Variants in MBTPS1 observed in about 807,000 individuals in gnomAD.
The protein encoded by MBTPS1 is membrane bound transcription factor peptidase, site 1, also known as membrane-bound transcription factor site-1 protease.
In MBTPS1, 94 loss-of-function variants were observed where a neutral mutation model predicts 127.8. The ratio of observed to expected loss-of-function variants is 0.74; its 90% CI spans 0.62 to 0.87. The LOEUF is 0.87. MBTPS1 is among the 40% of genes least tolerant of loss of function. The probability of loss-of-function intolerance (pLI) is 0.00; values close to 1 mark genes in which losing one functional copy is unlikely to be tolerated. For synonymous variants in MBTPS1, 632 were observed against 509.4 expected (o/e 1.24, Z -3.24); for missense variants, 1,636 against 1,353.2 (o/e 1.21, Z -3.28).
intron 22 of MBTPS1, among the ~76,000 whole-genome samples, chr16:84,055,396 TCTAGA>T (rs2085507428): frequency 6.6e-6 from 1 of 152,184 alleles, no homozygotes; most frequent in South Asian, 2.1e-4. Flanking sequence ...TACAGGGGAC[TCTAGA>T]GCAAAAGAAC....
intron 1 of MBTPS1, among the ~76,000 whole-genome samples, chr16:84,108,223 G>C (rs963546883): frequency 6.6e-6 from 1 of 152,016 alleles, no homozygotes; most frequent in Non-Finnish European, 1.5e-5. Flanking sequence ...CAGGCAGACA[G>C]AGCATGCACA....
chr16:84,115,374 G>A (rs913891567), intron 1 of MBTPS1, among the ~76,000 whole-genome samples: 1 of 152,182 alleles, frequency 6.6e-6, no homozygotes, highest in Middle Eastern at 3.2e-3. Flanking sequence ...CCTGGGGAGT[G>A]CAGTCGTTTG....
At chr16:84,112,552 C>G (rs2086411929) in intron 1 of MBTPS1, among the ~76,000 whole-genome samples, 1 of 151,108 alleles carries the variant, frequency 6.6e-6, no homozygotes, top group African/African-American at 2.4e-5. Context: ...GTCCCAGATA[C>G]TCAGGAGGCT....
In MBTPS1 at chr16:84,067,853, T is replaced by C. The variant is rs116331055; in HGVS notation, c.2072-30A>G. The C allele has an allele frequency of 1.9e-4, 301 of 1,591,834 alleles. 2 individuals carry two copies. The African/African-American group carries it at 3.2e-3, about 17-fold the overall frequency. On this transcript the variant is annotated intron_variant, in intron 15 of 22. Transcript: ENST00000343411. ...TGAACAAAGAACCAAAGCTGGGAAC[T>C]GTCACTTCTGAATGACAGGACACCA... is the stretch of plus-strand genomic sequence containing the variant.
At chr16:84,096,065 T>A (rs1025170831) in intron 3 of MBTPS1, among the ~76,000 whole-genome samples, 12 of 152,208 alleles carry the variant, frequency 7.9e-5, no homozygotes, top group African/African-American at 2.9e-4. Flanking sequence ...ACTGATTAAA[T>A]TAAATAATAA....
chr16:84,092,367 T>G (rs907782414), intron 6 of MBTPS1, among the ~76,000 whole-genome samples: 5 of 152,244 alleles, frequency 3.3e-5, no homozygotes, highest in African/African-American at 4.8e-5. Context: ...TGGATCACCT[T>G]TAGCTGTTGC....
chr16:84,100,933 C>T (rs745711067), intron 2 of MBTPS1, among the ~76,000 whole-genome samples: 18 of 147,816 alleles, frequency 1.2e-4, no homozygotes, highest in Non-Finnish European at 1.8e-4. Context: ...GGAGGGTGAT[C>T]ACTTGAGGTC....
intron 3 of MBTPS1, among the ~76,000 whole-genome samples, chr16:84,098,283 C>T (rs188062017): frequency 3.3e-4 from 50 of 152,272 alleles, no homozygotes; most frequent in African/African-American, 1.1e-3. Context: ...AAAAACAAAA[C>T]GAAACCCCAG....
chr16:84,093,273 G>T lies in MBTPS1; in HGVS notation c.761C>A (p.Ala254Glu). The change falls in exon 6 of 23, where the codon GCA becomes GAA. Residue 254 changes from alanine (A) to glutamate (E), a missense_variant. Transcript: ENST00000343411. Reference sequence around the variant, plus strand: ...CTCCCTCATGCTGGCTATCACACCTGCCACGAATGTGCCATGGCCCAACCC... The same window carrying T: ...CTCCCTCATGCTGGCTATCACACCTTCCACGAATGTGCCATGGCCCAACCC... ...DDGLGHGTFV[A>E]GVIASMRECQ... 2 of 1,613,510 alleles carry T rather than the reference G, an allele frequency of 1.2e-6. No homozygotes were observed. The highest frequency in any genetic ancestry group is 1.7e-6 in the Non-Finnish European group (2 of 1,179,444).
At position 84,070,658 on chromosome 16, in the gene MBTPS1, T is replaced by C. The variant is rs373905268; in HGVS notation, c.1712A>G (p.Lys571Arg). 1.2e-6 allele frequency: 2 copies of C among 1,613,954 alleles called. No homozygotes were observed. Among genetic ancestry groups the C allele is most frequent in the East Asian group, 2.2e-5 (1 of 44,880 alleles). The stretch of plus-strand genomic sequence containing the variant: ...AGCAATGCCTTCCCAGGAAGCCGCT[T>C]TCTTGGTCACAGAAATGGAGATGGC... ...YLAISISVTK[K>R]AASWEGIAQG... The change falls in exon 13 of 23, where the codon AAA (lysine) becomes AGA (arginine). Residue 571 changes from lysine (K) to arginine (R), a missense_variant. Physicochemically the swap from Lys to Arg is conservative, Grantham distance 26. Transcript: ENST00000343411.
At chr16:84,084,433 C>T (rs1184488968) in intron 10 of MBTPS1, among the ~76,000 whole-genome samples, 1 of 152,214 alleles carries the variant, frequency 6.6e-6, no homozygotes, top group Admixed American at 6.5e-5. Context: ...TTCACAAAAA[C>T]AACAAATGGG....
chr16:84,063,794 G>A (rs1256170363), intron 18 of MBTPS1, among the ~76,000 whole-genome samples: 1 of 151,808 alleles, frequency 6.6e-6, no homozygotes, highest in African/African-American at 2.4e-5. Flanking sequence ...ATCCTGAAAG[G>A]CCTATGTTTT....
chr16:84,106,845 A>G (rs2086330826), intron 1 of MBTPS1, among the ~76,000 whole-genome samples: 1 of 152,188 alleles, frequency 6.6e-6, no homozygotes, highest in South Asian at 2.1e-4. Flanking sequence ...AGGCGATGAC[A>G]TTACAGATAC....
At chr16:84,088,507 T>C (rs975286328) in intron 8 of MBTPS1, among the ~76,000 whole-genome samples, 4 of 152,090 alleles carry the variant, frequency 2.6e-5, no homozygotes, top group Non-Finnish European at 4.4e-5. Context: ...CCCACTGAAG[T>C]TGACCAAAAA....
intron 1 of MBTPS1, among the ~76,000 whole-genome samples, chr16:84,106,547 G>A (rs1290051650): frequency 6.6e-6 from 1 of 152,162 alleles, no homozygotes; most frequent in Non-Finnish European, 1.5e-5. Flanking sequence ...GAAAGGCAAA[G>A]AGGCCAGCGG....
At chr16:84,084,441 G>A (rs2085988211) in intron 10 of MBTPS1, among the ~76,000 whole-genome samples, 1 of 152,146 alleles carries the variant, frequency 6.6e-6, no homozygotes, top group Non-Finnish European at 1.5e-5. Context: ...AACAACAAAT[G>A]GGTAACACTG....
At position 84,112,971 on chromosome 16, in the gene MBTPS1, T is replaced by C. The variant is rs1429239306; in HGVS notation, c.-325+3764A>G. On this transcript the variant is annotated intron_variant, in intron 1 of 22. Transcript: ENST00000343411. ...GCCTGGGAGACAGAGCGAGATGCCA[T>C]CTCAAAAAAAAAAAAAAAAAAAAGA... is the stretch of plus-strand genomic sequence containing the variant. Among the ~76,000 whole-genome samples the C allele has an allele frequency of 2.1e-4, 24 of 112,114 alleles. No homozygotes were observed. The Admixed American group carries it at 2.5e-3, about 12-fold the overall frequency. The allele number at this position is 112,114 out of a possible 152,430, so 73.6% of individuals were successfully genotyped here.
intron 19 of MBTPS1, among the ~76,000 whole-genome samples, chr16:84,062,370 C>G (rs186925606): frequency 2.8e-4 from 42 of 152,350 alleles, no homozygotes; most frequent in African/African-American, 8.9e-4. Flanking sequence ...CCACTCACCT[C>G]GGCCTACCAA....
At chr16:84,060,038 T>A (rs779688915) in intron 20 of MBTPS1, 1 of 152,644 alleles carries the variant, frequency 6.6e-6, no homozygotes, top group Non-Finnish European at 1.5e-5. Context: ...GTGGTTCCCA[T>A]GAGCCTTCTA....
Sources: gnomAD v4.1 joint callset for allele counts (sites outside exome capture counted in the v4.1 genomes callset) on GRCh38, gnomAD v4.1.1 for gene constraint, MANE v1.5 for transcripts, NCBI Gene and HGNC (gene_info 2026-07-23, HGNC 2026-07-21) for gene names.